CELF2: variants seen among roughly 807,000 people sequenced by gnomAD.
The protein encoded by CELF2 is CUG triplet repeat RNA-binding protein 2.
A neutral mutation model predicts 62.6 loss-of-function variants in CELF2; 8 were observed. The observed-to-expected ratio is 0.13, with a 90% CI of 0.07 to 0.23. The LOEUF (loss-of-function observed/expected upper bound fraction) is 0.23, where lower values mean the gene tolerates loss of function less well. Ranked by LOEUF, CELF2 falls within the 10% of genes least tolerant of loss-of-function variation. The pLI is 1.00. For synonymous variants in CELF2, 258 were observed against 250.0 expected (o/e 1.03, Z -0.30); for missense variants, 333 against 671.0 (o/e 0.50, Z 5.56).
chr10:11,295,952 A>T (rs979694837), intron 9 of CELF2, among the ~76,000 whole-genome samples: 9 of 152,124 alleles, frequency 5.9e-5, no homozygotes, highest in Non-Finnish European at 1.0e-4. Flanking sequence ...CAATGCCCCA[A>T]CCTGGAGCAG....
intron 2 of CELF2, among the ~76,000 whole-genome samples, chr10:10,922,345 T>C (rs1292342574): frequency 6.6e-6 from 1 of 152,090 alleles, no homozygotes; most frequent in Admixed American, 6.6e-5. Flanking sequence ...GGCAGAGAGA[T>C]TGTTGTGTGT....
the CELF2 span, among the ~76,000 whole-genome samples, chr10:10,677,254 T>A: frequency 6.6e-6 from 1 of 152,218 alleles, no homozygotes; most frequent in Admixed American, 6.5e-5. Flanking sequence ...TGAGTGGGTC[T>A]TACGCTTGTG....
rs2140905487 is a variant in CELF2, at chr10:11,319,561, C to T, written c.1097-1628C>T. 6.6e-6 allele frequency among the ~76,000 whole-genome samples: 1 copy of T among 152,232 alleles called. No homozygotes were observed. Among genetic ancestry groups the T allele is most frequent in the South Asian group, 2.1e-4 (1 of 4,826 alleles). ...CATTAATGAAAATCTCAATGATTTT[C>T]ATTAATAGATAGACCCCTTCATAAT... On this transcript the variant is annotated intron_variant, in intron 10 of 12. Transcript: ENST00000633077. The surrounding 1 kb of genome is among the most constrained non-coding windows in gnomAD (Gnocchi z 4.4).
chr10:11,094,152 C>G (rs1248000398), intron 1 of CELF2, among the ~76,000 whole-genome samples: 6 of 152,156 alleles, frequency 3.9e-5, no homozygotes, highest in Admixed American at 6.5e-5. Flanking sequence ...TGAAACATGT[C>G]TTTGTGGCAA....
chr10:10,512,366 C>CTTCTGAGA, the CELF2 span, among the ~76,000 whole-genome samples: 9 of 150,366 alleles, frequency 6.0e-5, no homozygotes, highest in African/African-American at 2.0e-4. Context: ...CAAGACCTTC[C>CTTCTGAGA]TTCTGAGAAG....
At chr10:11,289,740 A>G (rs2139695592) in intron 9 of CELF2, among the ~76,000 whole-genome samples, 1 of 152,314 alleles carries the variant, frequency 6.6e-6, no homozygotes, top group East Asian at 1.9e-4. Context: ...CTGAAAAATC[A>G]ACTTTGTCAC....
chr10:10,654,529 T>G, the CELF2 span, among the ~76,000 whole-genome samples: 2 of 104,454 alleles, frequency 1.9e-5, no homozygotes, highest in Admixed American at 1.0e-4. Flanking sequence ...CATGATCAAG[T>G]GGGCTTCATC....
At chr10:10,924,169 C>G (rs1326743810) in intron 2 of CELF2, 1 of 149,898 alleles carries the variant, frequency 6.7e-6, no homozygotes, top group Non-Finnish European at 1.5e-5. Flanking sequence ...GTAGTCCCAG[C>G]TACTCGGGAG....
chr10:10,851,586 C>G (rs1236414609), intron 1 of CELF2, among the ~76,000 whole-genome samples: 1 of 152,090 alleles, frequency 6.6e-6, no homozygotes, highest in Admixed American at 6.5e-5. Context: ...ATAAATTGGA[C>G]CTCATTGAAA....
At chr10:11,193,644 G>C (rs1371794261) in intron 2 of CELF2, among the ~76,000 whole-genome samples, 1 of 152,170 alleles carries the variant, frequency 6.6e-6, no homozygotes, top group African/African-American at 2.4e-5. Context: ...AACCCACCTA[G>C]GGGCCGGGTG....
chr10:10,843,955 G>A (rs1267912495), intron 1 of CELF2, among the ~76,000 whole-genome samples: 7 of 151,924 alleles, frequency 4.6e-5, no homozygotes, highest in Non-Finnish European at 1.0e-4. Context: ...ACTTATGTAA[G>A]ATATTGTGGA....
chr10:10,480,077 G>A, the CELF2 span, among the ~76,000 whole-genome samples: 3 of 152,020 alleles, frequency 2.0e-5, no homozygotes, highest in African/African-American at 7.2e-5. Flanking sequence ...TGACTTCAGC[G>A]GGTCTTCGGA....
At chr10:11,187,288 T>G (rs1458976238) in intron 2 of CELF2, among the ~76,000 whole-genome samples, 1 of 152,208 alleles carries the variant, frequency 6.6e-6, no homozygotes, top group African/African-American at 2.4e-5. Context: ...TGAAATGACC[T>G]TTATTTCTGG....
intron 2 of CELF2, among the ~76,000 whole-genome samples, chr10:10,939,295 T>C (rs1001875022): frequency 1.4e-4 from 21 of 151,908 alleles, no homozygotes; most frequent in Admixed American, 5.2e-4. Flanking sequence ...GTTGTTGTTG[T>C]TGTTGTTGTT....
chr10:11,132,219 A>G (rs1050667890), intron 1 of CELF2, among the ~76,000 whole-genome samples: 1 of 152,250 alleles, frequency 6.6e-6, no homozygotes, highest in Non-Finnish European at 1.5e-5. Flanking sequence ...ATATAAAACA[A>G]AGATCATTAG....
chr10:11,048,106 G>A (rs1246270399), intron 1 of CELF2, among the ~76,000 whole-genome samples: 1 of 152,118 alleles, frequency 6.6e-6, no homozygotes, highest in Non-Finnish European at 1.5e-5. Flanking sequence ...CACTCCCCAA[G>A]GCTGTATTCC....
Position 11,329,215 on chromosome 10 carries a change from C to T in CELF2, c.*162C>T. On this transcript the variant is annotated 3_prime_UTR_variant, in exon 13 of 13. Coordinates refer to ENST00000633077, the MANE Select transcript of CELF2 (RefSeq NM_001326342.2). This position sits in a 1 kb window ranked among gnomAD's most constrained non-coding sequence, Gnocchi z 5.5. ...AGGCCTCCATGTCCCCACCCACTTCCCCTACCCAGTTTGCCATAATTAAAA... is the reference window on the plus strand; with the variant it reads ...AGGCCTCCATGTCCCCACCCACTTCTCCTACCCAGTTTGCCATAATTAAAA... The T allele has an allele frequency of 1.8e-6, 1 of 567,028 alleles. No homozygotes were observed. The allele number at this position is 567,028 out of a possible 1,614,324, so 35.1% of individuals were successfully genotyped here.
At chr10:10,851,185 C>G (rs1049334795) in intron 1 of CELF2, among the ~76,000 whole-genome samples, 1 of 152,204 alleles carries the variant, frequency 6.6e-6, no homozygotes, top group African/African-American at 2.4e-5. Flanking sequence ...CATATGAGTT[C>G]TTAACTCTTA....
chr10:10,513,589 AT>A, the CELF2 span, among the ~76,000 whole-genome samples: 2,452 of 150,026 alleles, frequency 0.016, 58 homozygotes, highest in African/African-American at 0.055. Context: ...GGGCTTCAAG[AT>A]TTTTTTTTTA....
Sources: allele counts gnomAD v4.1 joint callset (sites outside exome capture counted in the v4.1 genomes callset), GRCh38; gene constraint gnomAD v4.1.1; non-coding constraint Gnocchi (gnomAD v3.1); transcripts MANE v1.5; gene names NCBI Gene and HGNC (gene_info 2026-07-23, HGNC 2026-07-21).